Variants in CDH13 observed in about 807,000 individuals in gnomAD.
The protein encoded by CDH13 is cadherin 13.
A neutral mutation model predicts 63.8 loss-of-function variants in CDH13; 24 were observed. The ratio of observed to expected loss-of-function variants is 0.38; its 90% CI spans 0.27 to 0.53. CDH13 has a LOEUF of 0.53. Among genes scored for constraint, CDH13 ranks in the 20% least tolerant of loss-of-function variants. The pLI, the probability that CDH13 is intolerant of heterozygous loss-of-function variation, is 0.85. For missense variants in CDH13, 1,049 were observed against 903.1 expected, an observed-to-expected ratio of 1.16 and a Z score of -2.07; for synonymous variants, 503 against 355.3, an observed-to-expected ratio of 1.42 and a Z score of -4.67.
intron 5 of CDH13, among the ~76,000 whole-genome samples, chr16:83,237,240 A>G (rs1480019088): frequency 6.6e-6 from 1 of 152,210 alleles, no homozygotes; most frequent in Non-Finnish European, 1.5e-5. Context: ...CTGTCTCAGC[A>G]AAGAGCTGAG....
intron 1 of CDH13, among the ~76,000 whole-genome samples, chr16:82,669,062 C>A (rs1597270834): frequency 6.6e-6 from 1 of 152,314 alleles, no homozygotes; most frequent in East Asian, 1.9e-4. Context: ...GATCCACAAG[C>A]CACGGATGAG....
chr16:82,638,823 T>C (rs373590243), intron 1 of CDH13, among the ~76,000 whole-genome samples: 3 of 150,790 alleles, frequency 2.0e-5, no homozygotes, highest in South Asian at 2.1e-4. Flanking sequence ...GGGCAGTGTG[T>C]GCGTGTGTGC....
At chr16:83,441,341 A>C (rs13335799) in intron 6 of CDH13, among the ~76,000 whole-genome samples, 4,121 of 152,312 alleles carry the variant, frequency 0.027, 186 homozygotes, top group African/African-American at 0.093. Flanking sequence ...GAAAAACACA[A>C]TACATTTACA....
intron 1 of CDH13, among the ~76,000 whole-genome samples, chr16:82,643,562 A>G (rs952772854): frequency 1.2e-4 from 18 of 152,166 alleles, no homozygotes; most frequent in African/African-American, 4.1e-4. Flanking sequence ...GTTATTTGGA[A>G]CTGCAGGTCA....
intron 3 of CDH13, among the ~76,000 whole-genome samples, chr16:83,034,166 G>A (rs550668522): frequency 6.6e-6 from 1 of 152,094 alleles, no homozygotes; most frequent in African/African-American, 2.4e-5. Context: ...CCACCCTACT[G>A]TCACCGTGCT....
At chr16:82,651,996 T>C (rs1045212264) in intron 1 of CDH13, among the ~76,000 whole-genome samples, 15 of 152,254 alleles carry the variant, frequency 9.9e-5, no homozygotes, top group African/African-American at 3.6e-4. Context: ...CTTTTCGTCT[T>C]CTTTAAGCCT....
intron 7 of CDH13, among the ~76,000 whole-genome samples, chr16:83,491,725 T>A (rs1374198521): frequency 2.0e-5 from 3 of 152,210 alleles, no homozygotes; most frequent in Admixed American, 6.5e-5. Flanking sequence ...TACCTTATTA[T>A]CTATTATCTT....
chr16:83,599,624 C>T (rs1401264042), intron 7 of CDH13, among the ~76,000 whole-genome samples: 1 of 151,624 alleles, frequency 6.6e-6, no homozygotes, highest in Non-Finnish European at 1.5e-5. Context: ...AACCAAAAGG[C>T]CTAATAATAG....
chr16:83,589,625 C>G (rs1030642628), intron 7 of CDH13, among the ~76,000 whole-genome samples: 2 of 152,046 alleles, frequency 1.3e-5, no homozygotes, highest in African/African-American at 2.4e-5. Context: ...ACGAGAGCTT[C>G]TAGATCCAAA....
At chr16:83,455,907 A>G (rs2073013271) in intron 6 of CDH13, among the ~76,000 whole-genome samples, 1 of 152,236 alleles carries the variant, frequency 6.6e-6, no homozygotes. Flanking sequence ...AAAACGACAG[A>G]CTAGTGCTTC....
intron 1 of CDH13, among the ~76,000 whole-genome samples, chr16:82,846,008 C>G (rs1226893059): frequency 6.6e-6 from 1 of 152,174 alleles, no homozygotes; most frequent in East Asian, 1.9e-4. Flanking sequence ...TTGTTCTTGG[C>G]TCTGTTTTAT....
intron 7 of CDH13, among the ~76,000 whole-genome samples, chr16:83,567,282 A>G (rs1052704480): frequency 2.0e-5 from 3 of 152,198 alleles, no homozygotes; most frequent in East Asian, 1.9e-4. Flanking sequence ...AGAAAAGGCC[A>G]TATCAATCTA....
At chr16:83,084,732 T>C (rs183222618) in intron 3 of CDH13, among the ~76,000 whole-genome samples, 4 of 151,994 alleles carry the variant, frequency 2.6e-5, no homozygotes, top group Admixed American at 2.6e-4. Flanking sequence ...CTACTAAAAA[T>C]ATAAAAATTA....
intron 1 of CDH13, among the ~76,000 whole-genome samples, chr16:82,767,227 G>A (rs1253775075): frequency 6.6e-6 from 1 of 152,202 alleles, no homozygotes; most frequent in Non-Finnish European, 1.5e-5. Flanking sequence ...ACACACATCT[G>A]TGTAACCCAA....
At chr16:82,850,874 G>T (rs540827837) in intron 1 of CDH13, among the ~76,000 whole-genome samples, 1 of 152,126 alleles carries the variant, frequency 6.6e-6, no homozygotes, top group African/African-American at 2.4e-5. Context: ...ATTAAGGTAT[G>T]TACATTGTTT....
intron 7 of CDH13, among the ~76,000 whole-genome samples, chr16:83,506,490 C>G (rs993108811): frequency 1.5e-4 from 23 of 152,194 alleles, no homozygotes; most frequent in Non-Finnish European, 4.4e-5. Context: ...CCACTACGTT[C>G]CTAACTCACC....
chr16:82,922,813 C>A (rs1344229515), intron 2 of CDH13, among the ~76,000 whole-genome samples: 1 of 152,104 alleles, frequency 6.6e-6, no homozygotes, highest in African/African-American at 2.4e-5. Context: ...CACTGTATAA[C>A]CTGGGGTTTA....
intron 2 of CDH13, among the ~76,000 whole-genome samples, chr16:82,968,210 C>A (rs912799163): frequency 2.6e-5 from 4 of 152,136 alleles, no homozygotes; most frequent in Non-Finnish European, 4.4e-5. Context: ...AATTGTCCAC[C>A]GTTTGTCCAG....
chr16:82,725,572 C>G (rs777327960), intron 1 of CDH13, among the ~76,000 whole-genome samples: 2 of 152,200 alleles, frequency 1.3e-5, no homozygotes, highest in South Asian at 4.1e-4. Flanking sequence ...AAGCCTCATT[C>G]CTGGCACATG....
Sources: allele counts gnomAD v4.1 joint callset (sites outside exome capture counted in the v4.1 genomes callset), GRCh38; gene constraint gnomAD v4.1.1; transcripts MANE v1.5; gene names NCBI Gene and HGNC (gene_info 2026-07-23, HGNC 2026-07-21).